The following ASIC2 variants were observed in gnomAD, a reference collection of about 807,000 sequenced individuals.
ASIC2 encodes acid-sensing ion channel 2.
In ASIC2, 25 loss-of-function variants were observed where a neutral mutation model predicts 57.3. The ratio of observed to expected loss-of-function variants is 0.44; its 90% CI spans 0.32 to 0.61. ASIC2 has a LOEUF of 0.61. Ranked by LOEUF, ASIC2 falls within the 20% of genes least tolerant of loss-of-function variation. The probability of loss-of-function intolerance (pLI) is 0.06; values close to 1 mark genes in which losing one functional copy is unlikely to be tolerated. For missense variants in ASIC2, 641 were observed against 738.1 expected (o/e 0.87, Z 1.52); for synonymous variants, 319 against 307.5 (o/e 1.04, Z -0.39).
At chr17:34,011,714 C>A (rs1325753913) in intron 1 of ASIC2, among the ~76,000 whole-genome samples, 1 of 152,186 alleles carries the variant, frequency 6.6e-6, no homozygotes, top group Non-Finnish European at 1.5e-5. Context: ...GGGCTAATTG[C>A]CAAATCAAAT....
intron 1 of ASIC2, among the ~76,000 whole-genome samples, chr17:33,987,423 A>C (rs11080245): frequency 0.4 from 60,157 of 152,068 alleles, 12,192 homozygotes; most frequent in African/African-American, 0.48. Flanking sequence ...CCCTAGCAAC[A>C]CTTTCCCACA....
chr17:33,309,644 C>G (rs192138744), intron 1 of ASIC2, among the ~76,000 whole-genome samples: 6 of 152,122 alleles, frequency 3.9e-5, no homozygotes, highest in Admixed American at 6.5e-5. Context: ...CCTCTTGTGG[C>G]CTTTATCCCA....
intron 3 of ASIC2, among the ~76,000 whole-genome samples, chr17:33,041,669 T>A (rs1329772685): frequency 6.6e-6 from 1 of 152,228 alleles, no homozygotes; most frequent in African/African-American, 2.4e-5. Flanking sequence ...TCTGTGGGTG[T>A]CAGCTGAGTT....
intron 1 of ASIC2, among the ~76,000 whole-genome samples, chr17:33,929,158 C>G (rs148784429): frequency 3.9e-4 from 59 of 152,286 alleles, no homozygotes; most frequent in African/African-American, 1.4e-3. Flanking sequence ...TGGTCAGAAT[C>G]TGCAGGAGAC....
chr17:33,188,484 A>G (rs1906289224), intron 1 of ASIC2, among the ~76,000 whole-genome samples: 1 of 152,182 alleles, frequency 6.6e-6, no homozygotes, highest in South Asian at 2.1e-4. Context: ...AAATATAAAA[A>G]ACATGTAGAA....
intron 1 of ASIC2, among the ~76,000 whole-genome samples, chr17:33,879,140 C>T (rs1419089898): frequency 6.6e-6 from 1 of 152,118 alleles, no homozygotes; most frequent in South Asian, 2.1e-4. Flanking sequence ...CCGGTACCAG[C>T]CACTGCAAAA....
At chr17:33,633,558 C>G (rs533257224) in intron 1 of ASIC2, among the ~76,000 whole-genome samples, 36 of 152,284 alleles carry the variant, frequency 2.4e-4, no homozygotes, top group African/African-American at 7.2e-4. Context: ...ATGTGCTCAC[C>G]CCTTGCATTT....
chr17:34,136,380 G>C (rs542764409), intron 1 of ASIC2, among the ~76,000 whole-genome samples: 6 of 152,304 alleles, frequency 3.9e-5, no homozygotes, highest in African/African-American at 1.4e-4. Context: ...CTAAGAGTCT[G>C]ACACCTTTTA....
At position 33,136,352 on chromosome 17, in the gene ASIC2, C is replaced by T. The variant is rs1473825315; in HGVS notation, c.709-24285G>A. Among the ~76,000 whole-genome samples the T allele has an allele frequency of 2.0e-5, 3 of 152,140 alleles. No individual in the cohort carries two copies. The East Asian group carries it at 5.8e-4, about 29-fold the overall frequency. On this transcript the variant is annotated intron_variant, in intron 1 of 9. Coordinates refer to ENST00000225823, the MANE Select transcript of ASIC2 (RefSeq NM_183377.2). ...CGGTCCAGAGGTCTAGAAAAATACA[C>T]ACAATAAAACAAGTAATGACAATAA...
intron 1 of ASIC2, among the ~76,000 whole-genome samples, chr17:34,128,766 G>GT (rs1427449376): frequency 1.3e-5 from 2 of 152,116 alleles, no homozygotes; most frequent in African/African-American, 4.8e-5. Flanking sequence ...TCTACAGAAA[G>GT]TTTGGGGCTG....
chr17:33,873,085 T>C (rs575577711), intron 1 of ASIC2, among the ~76,000 whole-genome samples: 1 of 152,308 alleles, frequency 6.6e-6, no homozygotes, highest in South Asian at 2.1e-4. Context: ...TGCCGGCCCA[T>C]TCTCCTTCAT....
At chr17:33,578,513 GAAT>G (rs1449096573) in intron 1 of ASIC2, among the ~76,000 whole-genome samples, 1 of 152,148 alleles carries the variant, frequency 6.6e-6, no homozygotes, top group Non-Finnish European at 1.5e-5. Flanking sequence ...ACGGATAGAA[GAAT>G]AAAGGGACAT....
intron 1 of ASIC2, among the ~76,000 whole-genome samples, chr17:34,091,663 A>G (rs1402122093): frequency 6.6e-6 from 1 of 152,256 alleles, no homozygotes; most frequent in African/African-American, 2.4e-5. Flanking sequence ...GAAGTGAATG[A>G]GAGAAAGAAC....
intron 1 of ASIC2, among the ~76,000 whole-genome samples, chr17:34,126,615 G>A (rs1246729925): frequency 6.6e-6 from 1 of 152,140 alleles, no homozygotes; most frequent in Non-Finnish European, 1.5e-5. Context: ...TCCACTGTCA[G>A]GACAGAGCTA....
At chr17:33,936,916 G>C (rs771875101) in intron 1 of ASIC2, 1 of 152,256 alleles carries the variant, frequency 6.6e-6, no homozygotes, top group Admixed American at 6.5e-5. Context: ...GCTGCTGTGC[G>C]TACAGTGCCT....
At chr17:33,437,413 T>G (rs58959100) in intron 1 of ASIC2, among the ~76,000 whole-genome samples, 26,275 of 152,196 alleles carry the variant, frequency 0.17, 2,380 homozygotes, top group East Asian at 0.25. Flanking sequence ...TAATGCTATT[T>G]CTTTTATATT....
At chr17:34,151,813 A>G (rs1164312197) in intron 1 of ASIC2, among the ~76,000 whole-genome samples, 1 of 152,176 alleles carries the variant, frequency 6.6e-6, no homozygotes, top group Non-Finnish European at 1.5e-5. Context: ...CACCTGCCAC[A>G]TAGTAGGCCT....
At chr17:33,382,972 C>G (rs999523039) in intron 1 of ASIC2, among the ~76,000 whole-genome samples, 4 of 152,120 alleles carry the variant, frequency 2.6e-5, no homozygotes, top group African/African-American at 9.7e-5. Context: ...GATCTTTCTC[C>G]TGTCTTCACC....
At chr17:33,353,882 T>TA (rs1404704824) in intron 1 of ASIC2, among the ~76,000 whole-genome samples, 2 of 152,196 alleles carry the variant, frequency 1.3e-5, no homozygotes, top group Non-Finnish European at 2.9e-5. Context: ...ATGTGTATCT[T>TA]AGAGTATTAG....
Sources: allele counts gnomAD v4.1 joint callset (sites outside exome capture counted in the v4.1 genomes callset), GRCh38; gene constraint gnomAD v4.1.1; transcripts MANE v1.5; gene names NCBI Gene and HGNC (gene_info 2026-07-23, HGNC 2026-07-21).